PCID2: variants seen among roughly 807,000 people sequenced by gnomAD.
PCID2 encodes the protein PCI domain-containing protein 2.
Under a neutral mutation model 61.3 loss-of-function variants are expected in PCID2, and 41 were observed. The ratio of observed to expected loss-of-function variants is 0.67; its 90% CI spans 0.52 to 0.87. PCID2 has a LOEUF of 0.87. Ranked by LOEUF, PCID2 falls within the 40% of genes least tolerant of loss-of-function variation. The pLI is 0.00. For synonymous variants in PCID2, 187 were observed against 177.8 expected (o/e 1.05, Z -0.41); for missense variants, 392 against 493.4 (o/e 0.79, Z 1.95).
chr13:113,198,856 A>T (rs2039215690), intron 2 of PCID2, among the ~76,000 whole-genome samples: 1 of 152,234 alleles, frequency 6.6e-6, no homozygotes, highest in African/African-American at 2.4e-5. Flanking sequence ...GTATATTAGT[A>T]TTCTTGACCA....
chr13:113,203,610 T>C (rs2039591234), intron 1 of PCID2, among the ~76,000 whole-genome samples: 1 of 152,140 alleles, frequency 6.6e-6, no homozygotes, highest in South Asian at 2.1e-4. Flanking sequence ...ACAACACTGG[T>C]ATCTGCCCAT....
At chr13:113,208,144 A>C in intron 1 of PCID2, 1 of 1,604,222 alleles carries the variant, frequency 6.2e-7, no homozygotes, top group Admixed American at 1.7e-5. Context: ...GGCCTGCAGC[A>C]CGGCCACAGC....
chr13:113,197,060 G>A (rs1160442572), intron 4 of PCID2, 118 bp downstream of exon 4: 4 of 1,614,062 alleles, frequency 2.5e-6, no homozygotes, highest in Non-Finnish European at 3.4e-6. Flanking sequence ...CCAAAACACT[G>A]TCATTCCTTT....
intron 1 of PCID2, among the ~76,000 whole-genome samples, chr13:113,204,988 C>T (rs2039701993): frequency 6.6e-6 from 1 of 152,168 alleles, no homozygotes; most frequent in South Asian, 2.1e-4. Flanking sequence ...GGAAGACTTC[C>T]TTGTGGTTGC....
In PCID2 at chr13:113,178,094, G is replaced by T; in HGVS notation, c.*104C>A. The T allele has an allele frequency of 1.4e-6, 1 of 731,802 alleles. No homozygotes were observed. The highest frequency in any genetic ancestry group is 2.3e-6 in the Non-Finnish European group (1 of 437,950). 45.3% of individuals were successfully genotyped at this position (731,802 alleles called of 1,614,324 possible). On this transcript the variant is annotated 3_prime_UTR_variant, in exon 14 of 14. Coordinates refer to ENST00000337344, the MANE Select transcript of PCID2 (RefSeq NM_001127202.4). Reference sequence around the variant, plus strand: ...ATCCCTGGGAAAAGCGCCTCCAAGAGTTCCGGCTTCAGGGAGCCTTGTTGC... The same window carrying T: ...ATCCCTGGGAAAAGCGCCTCCAAGATTTCCGGCTTCAGGGAGCCTTGTTGC...
the PCID2 span, chr13:113,171,987 G>C: frequency 6.2e-7 from 1 of 1,613,394 alleles, no homozygotes; most frequent in Non-Finnish European, 8.5e-7. The surrounding 1 kb of genome is among the most constrained non-coding windows in gnomAD (Gnocchi z 5.1). Context: ...AGAGAACACA[G>C]AGGCTCCTGG....
downstream of PCID2, among the ~76,000 whole-genome samples, chr13:113,175,792 CGGCT>C (rs2037176230): frequency 6.6e-6 from 1 of 152,154 alleles, no homozygotes; most frequent in African/African-American, 2.4e-5. Context: ...TGGCAGTCCA[CGGCT>C]GGAATCCGGG....
rs757258804 is a variant in PCID2 at position 113,178,044 on chromosome 13, G to C, written c.*154C>G. On this transcript the variant is annotated 3_prime_UTR_variant, in exon 14 of 14. Transcript: ENST00000337344. ...TTACAAATGAAGGAGATTAACTCGGGTGTGCTGAAAATCTCAGCCTCAGCA... is the reference window on the plus strand; with the variant it reads ...TTACAAATGAAGGAGATTAACTCGGCTGTGCTGAAAATCTCAGCCTCAGCA... 1 of 539,276 alleles carries C rather than the reference G, an allele frequency of 1.9e-6. No individual in the cohort carries two copies. The highest frequency in any genetic ancestry group is 3.5e-5 in the Admixed American group (1 of 28,500). 33.4% of individuals were successfully genotyped at this position (539,276 alleles called of 1,614,324 possible).
intron 10 of PCID2, among the ~76,000 whole-genome samples, chr13:113,180,832 G>C (rs1450766499): frequency 6.6e-6 from 1 of 152,148 alleles, no homozygotes; most frequent in Non-Finnish European, 1.5e-5. Context: ...GGTTTTAAGG[G>C]AGGAATACAA....
At chr13:113,187,720 G>GT (rs1210043479) in intron 7 of PCID2, 9 of 152,228 alleles carry the variant, frequency 5.9e-5, no homozygotes, top group African/African-American at 2.2e-4. Context: ...CTGTTGAATT[G>GT]TAATAATTCT....
chr13:113,179,983 CGAAT>C lies in PCID2; in HGVS notation c.916_919del (p.Ile306AlafsTer11). 1 of 1,614,018 alleles carries C rather than the reference CGAAT, an allele frequency of 6.2e-7. No homozygotes were observed. Among genetic ancestry groups the C allele is most frequent in the South Asian group, 1.1e-5 (1 of 91,072 alleles). ...CTCCAGGATGAGGAAGATTCCGCAG[CGAAT>C]GAAGAAGGCCTCGTGCTTCGCCAGC... is the stretch of plus-strand genomic sequence containing the variant. On this transcript the variant is annotated frameshift_variant, in exon 12 of 14. Coordinates refer to ENST00000337344, the MANE Select transcript of PCID2 (RefSeq NM_001127202.4). LOFTEE classifies it high-confidence loss of function. This position sits in a 1 kb window ranked among gnomAD's most constrained non-coding sequence, Gnocchi z 4.3.
chr13:113,199,426 TTTTTG>T (rs1269695664), intron 2 of PCID2, among the ~76,000 whole-genome samples: 4 of 152,224 alleles, frequency 2.6e-5, no homozygotes, highest in Non-Finnish European at 2.9e-5. Context: ...ACACTGCGTT[TTTTTG>T]TTTTGTTTGG....
At chr13:113,203,097 G>A (rs149651601) in intron 1 of PCID2, among the ~76,000 whole-genome samples, 48 of 152,332 alleles carry the variant, frequency 3.2e-4, no homozygotes, top group African/African-American at 1.0e-3. Context: ...GGGCGGTGTC[G>A]CCGGGACCAC....
At chr13:113,208,558 G>A (rs754943305) in intron 1 of PCID2, 41 bp downstream of exon 1, 126 of 1,600,730 alleles carry the variant, frequency 7.9e-5, no homozygotes, top group Non-Finnish European at 1.0e-5. Context: ...AACACGCCGA[G>A]GGCCAACCAC....
chr13:113,202,192 G>A (rs2039483721), intron 1 of PCID2, among the ~76,000 whole-genome samples: 2 of 152,334 alleles, frequency 1.3e-5, no homozygotes, highest in Non-Finnish European at 1.5e-5. Context: ...GTGCCCAGGT[G>A]TCCATACCCA....
At position 113,195,122 on chromosome 13, in the gene PCID2, A is replaced by G. The variant is rs767892745; in HGVS notation, c.312T>C (p.Ala104=). 1 of 1,609,066 alleles carries G rather than the reference A, an allele frequency of 6.2e-7. No individual in the cohort carries two copies. The highest frequency in any genetic ancestry group is 1.1e-5 in the South Asian group (1 of 90,960). Residue 104 remains alanine, a synonymous_variant, in exon 6 of 14, where the codon GCT becomes GCC. Coordinates refer to ENST00000337344, the MANE Select transcript of PCID2 (RefSeq NM_001127202.4). ...GCGCTACTGCATACATGACAGGCAG[A>G]GCCCTGCAGGGCAAAAAAGTAAACA... ...AFQAHKEENW[A]LPVMYAVALD...
chr13:113,184,803 T>G (rs939478069), intron 8 of PCID2, among the ~76,000 whole-genome samples: 1 of 149,926 alleles, frequency 6.7e-6, no homozygotes, highest in African/African-American at 2.5e-5. Context: ...CCTGTGCTAG[T>G]GGAGGCTCTG....
intron 3 of PCID2, among the ~76,000 whole-genome samples, chr13:113,197,447 G>C (rs1293184043): frequency 1.3e-5 from 2 of 152,202 alleles, no homozygotes; most frequent in African/African-American, 2.4e-5. Context: ...TCAAGTCCCA[G>C]AAGGACCTAG....
downstream of PCID2, among the ~76,000 whole-genome samples, chr13:113,176,738 G>C (rs2037197756): frequency 6.6e-6 from 1 of 152,164 alleles, no homozygotes; most frequent in African/African-American, 2.4e-5. Flanking sequence ...ACTCCAGCCT[G>C]GGTGACAGAG....
Sources: allele counts gnomAD v4.1 joint callset (sites outside exome capture counted in the v4.1 genomes callset), GRCh38; gene constraint gnomAD v4.1.1; non-coding constraint Gnocchi (gnomAD v3.1); transcripts MANE v1.5; gene names NCBI Gene and HGNC (gene_info 2026-07-23, HGNC 2026-07-21).